DOCK4: variants seen among roughly 807,000 people sequenced by gnomAD.
DOCK4 encodes dedicator of cytokinesis protein 4.
A neutral mutation model predicts 268.1 loss-of-function variants in DOCK4; 97 were observed. The observed-to-expected ratio is 0.36, with a 90% CI of 0.31 to 0.43. DOCK4 has a LOEUF of 0.43. Among genes scored for constraint, DOCK4 ranks in the 20% least tolerant of loss-of-function variants. DOCK4 has a pLI of 1.00. For missense variants in DOCK4, 2,145 were observed against 2,455.7 expected, an observed-to-expected ratio of 0.87 and a Z score of 2.67; for synonymous variants, 954 against 887.2, an observed-to-expected ratio of 1.08 and a Z score of -1.34.
chr7:112,138,329 T>G (rs1165843621), intron 1 of DOCK4, among the ~76,000 whole-genome samples: 1 of 152,200 alleles, frequency 6.6e-6, no homozygotes, highest in Non-Finnish European at 1.5e-5. Context: ...AGTATTTTGT[T>G]GGAAAATGGA....
intron 1 of DOCK4, among the ~76,000 whole-genome samples, chr7:112,113,734 A>ATTTTTTTTTTTTTTTTTTTTTTTTTTTT (rs57672966): frequency 6.1e-5 from 3 of 49,506 alleles, no homozygotes; most frequent in Non-Finnish European, 1.1e-4. Flanking sequence ...TACTTGGCTG[A>ATTTTTTTTTTTTTTTTTTTTTTTTTTTT]TTTTTTTTTT....
intron 2 of DOCK4, among the ~76,000 whole-genome samples, chr7:112,003,682 C>T (rs1255209664): frequency 1.3e-5 from 2 of 152,142 alleles, no homozygotes; most frequent in Admixed American, 6.5e-5. Flanking sequence ...GCTACTCAAC[C>T]TCAGGTAAGC....
At chr7:111,807,283 G>C (rs1252732306) in intron 30 of DOCK4, among the ~76,000 whole-genome samples, 1 of 152,070 alleles carries the variant, frequency 6.6e-6, no homozygotes, top group Non-Finnish European at 1.5e-5. Flanking sequence ...ATGCAATATG[G>C]ACACTACAAG....
At chr7:112,048,553 A>AC (rs757090519) in intron 1 of DOCK4, among the ~76,000 whole-genome samples, 3 of 150,736 alleles carry the variant, frequency 2.0e-5, no homozygotes, top group South Asian at 2.1e-4. Flanking sequence ...ACGGAGTGAG[A>AC]CCCCATCTCA....
intron 36 of DOCK4, among the ~76,000 whole-genome samples, chr7:111,771,253 AC>A (rs1305759154): frequency 6.6e-6 from 1 of 152,104 alleles, no homozygotes; most frequent in Non-Finnish European, 1.5e-5. Flanking sequence ...GAAAGAGCCC[AC>A]CTCCATCTCT....
At chr7:111,919,782 A>G (rs1792948650) in intron 12 of DOCK4, among the ~76,000 whole-genome samples, 1 of 152,244 alleles carries the variant, frequency 6.6e-6, no homozygotes, top group Admixed American at 6.5e-5. Flanking sequence ...AAGAAACCAC[A>G]ACATATGACT....
chr7:111,743,253 G>GGA (rs1484507506), intron 44 of DOCK4, among the ~76,000 whole-genome samples: 2 of 152,156 alleles, frequency 1.3e-5, no homozygotes, highest in African/African-American at 4.8e-5. Context: ...TAGACTGGGA[G>GGA]GAAAACGAAT....
At position 111,940,168 on chromosome 7, in the gene DOCK4, T is replaced by C. The variant is rs770481011; in HGVS notation, c.919A>G (p.Ser307Gly). Residue 307 changes from serine to glycine, a missense_variant, in exon 11 of 53, where the codon AGC (serine) becomes GGC (glycine). Coordinates refer to ENST00000428084, the MANE Select transcript of DOCK4 (RefSeq NM_001363540.2). Reference protein sequence around the residue: ...YRRPFGCAVLSIADLLTGETK... With the variant: ...YRRPFGCAVLGIADLLTGETK... ...TCTCCTGTTAGCAGGTCAGCGATGC[T>C]AAGAACTGCACAGCCAAAGGGTCGT... 4.3e-6 allele frequency: 7 copies of C among 1,614,056 alleles called. No individual in the cohort carries two copies. Among genetic ancestry groups the C allele is most frequent in the Admixed American group, 1.7e-5 (1 of 60,030 alleles).
chr7:112,088,091 G>A (rs11977671), intron 1 of DOCK4, among the ~76,000 whole-genome samples: 74,890 of 151,792 alleles, frequency 0.49, 20,498 homozygotes, highest in African/African-American at 0.75. Flanking sequence ...ACAAGGTCCC[G>A]TATGAGACCT....
intron 43 of DOCK4, among the ~76,000 whole-genome samples, chr7:111,746,982 G>A (rs1238855388): frequency 1.3e-5 from 2 of 152,024 alleles, no homozygotes; most frequent in African/African-American, 4.8e-5. Context: ...AATTATTTTA[G>A]ACGGATATTT....
intron 31 of DOCK4, 114 bp from the exon 32 acceptor site, chr7:111,788,861 G>C (rs1799348880): frequency 4.3e-6 from 4 of 932,780 alleles, no homozygotes; most frequent in South Asian, 4.2e-5. Context: ...TTTTGTGAAA[G>C]TGACATTATC....
At chr7:112,033,326 A>C (rs994599211) in intron 1 of DOCK4, among the ~76,000 whole-genome samples, 1 of 152,096 alleles carries the variant, frequency 6.6e-6, no homozygotes, top group African/African-American at 2.4e-5. Flanking sequence ...AAAGCACAAA[A>C]CTTCAAATTT....
intron 31 of DOCK4, among the ~76,000 whole-genome samples, chr7:111,789,718 G>T (rs1353473265): frequency 6.6e-6 from 1 of 152,156 alleles, no homozygotes; most frequent in Non-Finnish European, 1.5e-5. Context: ...TTGCTTGACT[G>T]GTTGACAACC....
chr7:111,956,641 G>A (rs768865954), intron 8 of DOCK4, among the ~76,000 whole-genome samples: 1 of 152,136 alleles, frequency 6.6e-6, no homozygotes, highest in Non-Finnish European at 1.5e-5. Flanking sequence ...TTTACTGAGC[G>A]TGAGATGAAT....
intron 13 of DOCK4, among the ~76,000 whole-genome samples, chr7:111,904,597 G>A (rs1791407200): frequency 2.0e-5 from 3 of 152,090 alleles, no homozygotes; most frequent in Admixed American, 2.0e-4. Context: ...TCATAACACA[G>A]CTGAATTCTC....
At chr7:111,956,074 T>A (rs965747048) in intron 8 of DOCK4, among the ~76,000 whole-genome samples, 1 of 152,190 alleles carries the variant, frequency 6.6e-6, no homozygotes, top group Admixed American at 6.5e-5. Flanking sequence ...AAAGCCTCTA[T>A]GTAGGCAGAA....
chr7:112,199,125 T>G (rs1820712091), intron 1 of DOCK4, among the ~76,000 whole-genome samples: 1 of 152,178 alleles, frequency 6.6e-6, no homozygotes, highest in Non-Finnish European at 1.5e-5. Flanking sequence ...TGCAAGACAA[T>G]TTAGGTTCCA....
At position 112,066,739 on chromosome 7, in the gene DOCK4, A is replaced by C. The variant is rs182481379; in HGVS notation, c.38-62608T>G. ...TATATATATATATATATATATATATATATCTCCTATTGGCTCTGTGTCTCT... is the reference window on the plus strand; with the variant it reads ...TATATATATATATATATATATATATCTATCTCCTATTGGCTCTGTGTCTCT... On this transcript the variant is annotated intron_variant, in intron 1 of 52. Transcript: ENST00000428084. Among the ~76,000 whole-genome samples the C allele has an allele frequency of 2.1e-3, 194 of 91,550 alleles. 2 individuals are homozygous for C. Among genetic ancestry groups the C allele is most frequent in the African/African-American group, 5.0e-3 (123 of 24,432 alleles). The allele number at this position is 91,550 out of a possible 152,430, so 60.1% of individuals were successfully genotyped here. A position where few individuals can be genotyped will look rare whatever the true frequency, so the allele number is the denominator to read the frequency against.
chr7:112,154,721 T>C (rs1816450988), intron 1 of DOCK4, among the ~76,000 whole-genome samples: 1 of 152,198 alleles, frequency 6.6e-6, no homozygotes, highest in Admixed American at 6.5e-5. Context: ...GGGAAGACAC[T>C]TCATGCAGCC....
Sources: allele counts gnomAD v4.1 joint callset (sites outside exome capture counted in the v4.1 genomes callset), GRCh38; gene constraint gnomAD v4.1.1; transcripts MANE v1.5; gene names NCBI Gene and HGNC (gene_info 2026-07-23, HGNC 2026-07-21).